Variants in STIM1 observed in about 807,000 individuals in gnomAD.
The protein encoded by STIM1 is stromal interaction molecule 1.
Under a neutral mutation model 74.7 loss-of-function variants are expected in STIM1, and 25 were observed. That is an observed-to-expected ratio of 0.33 (90% confidence interval 0.24 to 0.47). The LOEUF (loss-of-function observed/expected upper bound fraction) is 0.47. Ranked by LOEUF, STIM1 falls within the 20% of genes least tolerant of loss-of-function variation. The probability of loss-of-function intolerance (pLI) is 1.00; values close to 1 mark genes in which losing one functional copy is unlikely to be tolerated. For synonymous variants in STIM1, 328 were observed against 348.8 expected, an observed-to-expected ratio of 0.94 and a Z score of 0.66; for missense variants, 728 against 920.8, an observed-to-expected ratio of 0.79 and a Z score of 2.71.
intron 11 of STIM1, among the ~76,000 whole-genome samples, chr11:4,085,389 G>C (rs1328104258): frequency 1.3e-5 from 2 of 152,182 alleles, no homozygotes; most frequent in Non-Finnish European, 2.9e-5. Flanking sequence ...TTTTAGCTGG[G>C]AGTGAGCCCA....
At chr11:3,999,416 G>C (rs1327008421) in intron 2 of STIM1, among the ~76,000 whole-genome samples, 4 of 152,212 alleles carry the variant, frequency 2.6e-5, no homozygotes, top group African/African-American at 9.6e-5. Context: ...CTGGTAGGGA[G>C]GGAGAGTGGC....
chr11:3,882,569 TC>T (rs1319407130), intron 1 of STIM1, among the ~76,000 whole-genome samples: 1 of 152,202 alleles, frequency 6.6e-6, no homozygotes, highest in Non-Finnish European at 1.5e-5. Flanking sequence ...AACCTACACA[TC>T]CTGCATATGT....
chr11:3,971,543 C>CAAAA (rs772733011), intron 2 of STIM1, among the ~76,000 whole-genome samples: 1 of 148,018 alleles, frequency 6.8e-6, no homozygotes, highest in African/African-American at 2.6e-5. Context: ...ACAAAAAAAA[C>CAAAA]AAAAAAACAA....
intron 5 of STIM1, among the ~76,000 whole-genome samples, chr11:4,059,806 G>C (rs2094318180): frequency 6.6e-6 from 1 of 152,138 alleles, no homozygotes; most frequent in Non-Finnish European, 1.5e-5. Context: ...CTATGGAGGT[G>C]GCAGAATAGG....
At chr11:4,035,800 G>T (rs866765008) in intron 3 of STIM1, among the ~76,000 whole-genome samples, 1 of 147,144 alleles carries the variant, frequency 6.8e-6, no homozygotes, top group Non-Finnish European at 1.5e-5. Flanking sequence ...TATGTGTTCT[G>T]TTGGGTGGAG....
chr11:3,985,019 C>G (rs1257377916), intron 2 of STIM1, among the ~76,000 whole-genome samples: 2 of 152,152 alleles, frequency 1.3e-5, no homozygotes, highest in African/African-American at 2.4e-5. Context: ...AGTTCCCAGA[C>G]AAGCTGAGCT....
chr11:4,076,406 A>C (rs1044308483), intron 7 of STIM1, among the ~76,000 whole-genome samples: 1 of 127,566 alleles, frequency 7.8e-6, no homozygotes, highest in Non-Finnish European at 1.6e-5. Context: ...GGATTGCTTG[A>C]GCTTGGGAGG....
At chr11:3,910,691 C>T (rs2092546908) in intron 1 of STIM1, among the ~76,000 whole-genome samples, 1 of 151,906 alleles carries the variant, frequency 6.6e-6, no homozygotes, top group Admixed American at 6.6e-5. Flanking sequence ...AAGATTAAAA[C>T]TAAAAACAGG....
intron 3 of STIM1, among the ~76,000 whole-genome samples, chr11:4,024,404 A>C (rs2093982317): frequency 6.6e-6 from 1 of 152,202 alleles, no homozygotes; most frequent in African/African-American, 2.4e-5. Flanking sequence ...GGGTACAGAC[A>C]GACTCTCTCC....
At chr11:3,955,213 G>A (rs925945436) in intron 1 of STIM1, among the ~76,000 whole-genome samples, 1 of 152,124 alleles carries the variant, frequency 6.6e-6, no homozygotes, top group Admixed American at 6.5e-5. Flanking sequence ...GTGGTTGTGT[G>A]GGGAGGGAGA....
chr11:4,049,417 G>A (rs956452413), intron 3 of STIM1: 5 of 148,826 alleles, frequency 3.4e-5, no homozygotes, highest in East Asian at 2.0e-4. Flanking sequence ...CTCGACCTCC[G>A]AGGCTCAAGC....
chr11:3,878,429 T>C (rs2091376396), intron 1 of STIM1, among the ~76,000 whole-genome samples: 1 of 152,112 alleles, frequency 6.6e-6, no homozygotes, highest in South Asian at 2.1e-4. Flanking sequence ...TTATTATTTA[T>C]CATGTGCCTG....
chr11:3,989,202 ACTCTC>A, intron 2 of STIM1: 1 of 923,086 alleles, frequency 1.1e-6, no homozygotes, highest in Non-Finnish European at 1.8e-6. Flanking sequence ...CAGAGGCTGG[ACTCTC>A]CTCAGTTTTC....
At chr11:4,036,048 CT>C (rs574278014) in intron 3 of STIM1, among the ~76,000 whole-genome samples, 38 of 152,070 alleles carry the variant, frequency 2.5e-4, no homozygotes, top group Non-Finnish European at 3.5e-4. Context: ...GTTGTTCCCC[CT>C]GATGTGTCTG....
intron 2 of STIM1, among the ~76,000 whole-genome samples, chr11:3,974,628 G>A (rs1429983637): frequency 6.6e-6 from 1 of 151,906 alleles, no homozygotes; most frequent in Non-Finnish European, 1.5e-5. Context: ...AGCTAGTTTG[G>A]TTAAGTGCCA....
At chr11:4,047,972 C>T (rs538273799) in intron 3 of STIM1, among the ~76,000 whole-genome samples, 1 of 152,216 alleles carries the variant, frequency 6.6e-6, no homozygotes, top group Admixed American at 6.5e-5. Flanking sequence ...GTGCGTGCCA[C>T]CACGCCCCGC....
At chr11:3,965,168 T>C (rs1019238311) in intron 1 of STIM1, among the ~76,000 whole-genome samples, 3 of 152,240 alleles carry the variant, frequency 2.0e-5, no homozygotes, top group African/African-American at 7.2e-5. Flanking sequence ...TTAGAACACA[T>C]TCAAGTTCAT....
intron 2 of STIM1, chr11:3,989,503 G>A (rs1450120945): frequency 6.6e-6 from 4 of 610,156 alleles, no homozygotes; most frequent in East Asian, 3.3e-5. Context: ...TCTGTGAGCC[G>A]CGGCGCACCG....
chr11:3,989,826 C>A (rs927139087), intron 2 of STIM1, among the ~76,000 whole-genome samples: 1 of 152,180 alleles, frequency 6.6e-6, no homozygotes, highest in Non-Finnish European at 1.5e-5. Flanking sequence ...TATTTACTGT[C>A]TGACTCTTTA....
Sources: gnomAD v4.1 joint callset for allele counts (sites outside exome capture counted in the v4.1 genomes callset) on GRCh38, gnomAD v4.1.1 for gene constraint, MANE v1.5 for transcripts, NCBI Gene and HGNC (gene_info 2026-07-23, HGNC 2026-07-21) for gene names.